Variants in CNGB3 observed in about 807,000 individuals in gnomAD.
CNGB3 encodes the protein cyclic nucleotide-gated channel beta-3.
In CNGB3, 86 loss-of-function variants were observed where a neutral mutation model predicts 92.8. The observed-to-expected ratio is 0.93, with a 90% CI of 0.78 to 1.11. The LOEUF (loss-of-function observed/expected upper bound fraction) is 1.11, where lower values mean the gene tolerates loss of function less well. Ranked by LOEUF, CNGB3 falls within the 50% of genes least tolerant of loss-of-function variation. The pLI is 0.00. For synonymous variants in CNGB3, 333 were observed against 332.7 expected (o/e 1.00, Z -0.01); for missense variants, 1,026 against 956.8 (o/e 1.07, Z -0.95).
At chr8:86,611,515 A>G in intron 14 of CNGB3, 73 bp downstream of exon 14, 1 of 1,241,300 alleles carries the variant, frequency 8.1e-7, no homozygotes, top group Non-Finnish European at 1.2e-6. Context: ...TGTTTAAACA[A>G]TGTTCTTGAC....
At chr8:86,660,241 A>T (rs557938001) in intron 6 of CNGB3, 2 of 306,618 alleles carry the variant, frequency 6.5e-6, no homozygotes, top group African/African-American at 4.4e-5. Flanking sequence ...TATTCTCTCA[A>T]TGTTTTCTTG....
chr8:86,616,469 G>A (rs72692229), intron 13 of CNGB3, among the ~76,000 whole-genome samples: 15,494 of 151,614 alleles, frequency 0.1, 881 homozygotes, highest in African/African-American at 0.15. Context: ...TTTTCCTCCA[G>A]AAAATGATTA....
Position 86,604,184 on chromosome 8 carries a change from T to C in CNGB3, c.1690A>G (p.Ile564Val), listed in dbSNP as rs1240406664. 1 of 1,612,916 alleles carries C rather than the reference T, an allele frequency of 6.2e-7. No individual in the cohort carries two copies. Residue 564 changes from isoleucine to valine, a missense_variant, in exon 15 of 18, where the codon ATC (isoleucine) becomes GTC (valine). Transcript: ENST00000320005. ...AGAACTTGGACTTCTCCATGCTTGATGATATACATTTCCTTGCCAATTTCT... is the reference window on the plus strand; with the variant it reads ...AGAACTTGGACTTCTCCATGCTTGACGATATACATTTCCTTGCCAATTTCT... ...KGEIGKEMYI[I>V]KHGEVQVLGG...
intron 15 of CNGB3, among the ~76,000 whole-genome samples, chr8:86,603,594 T>C (rs1299762712): frequency 6.6e-6 from 1 of 152,200 alleles, no homozygotes; most frequent in Non-Finnish European, 1.5e-5. Flanking sequence ...TAAGATATGT[T>C]CTATTATTAT....
intron 3 of CNGB3, among the ~76,000 whole-genome samples, chr8:86,703,655 T>G (rs1824597056): frequency 6.6e-6 from 1 of 152,156 alleles, no homozygotes; most frequent in African/African-American, 2.4e-5. Flanking sequence ...TTTCTTAACT[T>G]AATCCATGCT....
In CNGB3 at chr8:86,600,776, A is replaced by ATTTTTTTTTTT. The variant is rs533111246; in HGVS notation, c.1781+3306_1781+3316dup. Among the ~76,000 whole-genome samples the ATTTTTTTTTTT allele has an allele frequency of 7.5e-4, 29 of 38,422 alleles. 4 individuals carry two copies. Among genetic ancestry groups the ATTTTTTTTTTT allele is most frequent in the African/African-American group, 2.0e-3 (21 of 10,768 alleles). 25.2% of individuals were successfully genotyped at this position (38,422 alleles called of 152,430 possible). Reference sequence around the variant, plus strand: ...AGGTGCCCACCACCACGCTCGGCTAATTTTTTTTTTTTTTTTTTTTTTTTT... The same window carrying ATTTTTTTTTTT: ...AGGTGCCCACCACCACGCTCGGCTAATTTTTTTTTTTTTTTTTTTTTTTTTTTTTTTTTTTT... On this transcript the variant is annotated intron_variant, in intron 15 of 17. Transcript: ENST00000320005.
At position 86,641,448 on chromosome 8, in the gene CNGB3, G is replaced by A. The variant is rs369285723; in HGVS notation, c.1178+2303C>T. 4.3e-4 allele frequency among the ~76,000 whole-genome samples: 65 copies of A among 151,952 alleles called. 1 individual carries two copies. Among genetic ancestry groups the A allele is most frequent in the African/African-American group, 1.6e-3 (65 of 41,478 alleles). On this transcript the variant is annotated intron_variant, in intron 10 of 17. Transcript: ENST00000320005. ...AAATTCTTTCTTGCACAAGGTCCAA[G>A]AACCCTCTCTTGGGGTCTGGATCAG... is the stretch of plus-strand genomic sequence containing the variant.
intron 3 of CNGB3, among the ~76,000 whole-genome samples, chr8:86,679,925 A>T (rs1824047978): frequency 6.6e-6 from 1 of 152,230 alleles, no homozygotes; most frequent in South Asian, 2.1e-4. Flanking sequence ...GCAAGAAGGC[A>T]GCCATCTACT....
chr8:86,640,934 G>A (rs1823171274), intron 10 of CNGB3, among the ~76,000 whole-genome samples: 1 of 151,932 alleles, frequency 6.6e-6, no homozygotes, highest in Non-Finnish European at 1.5e-5. Flanking sequence ...GCGACCTACT[G>A]GGCTGCCTTC....
At chr8:86,721,288 C>T (rs1824967645) in intron 3 of CNGB3, among the ~76,000 whole-genome samples, 1 of 152,012 alleles carries the variant, frequency 6.6e-6, no homozygotes, top group Admixed American at 6.6e-5. Flanking sequence ...ATTGGAGACT[C>T]TTATTCTAAG....
At chr8:86,628,420 TTGG>T (rs1408901717) in intron 12 of CNGB3, among the ~76,000 whole-genome samples, 1 of 152,088 alleles carries the variant, frequency 6.6e-6, no homozygotes, top group Non-Finnish European at 1.5e-5. Flanking sequence ...GGAGTGAGGG[TTGG>T]CATTGTTAAC....
At chr8:86,630,887 G>A (rs532947920) in intron 11 of CNGB3, among the ~76,000 whole-genome samples, 4 of 152,224 alleles carry the variant, frequency 2.6e-5, no homozygotes, top group Admixed American at 2.6e-4. Flanking sequence ...TAAAAAAAGA[G>A]TGATGATTAG....
chr8:86,726,701 C>A, intron 2 of CNGB3, 44 bp from the exon 3 acceptor site: 1 of 1,609,508 alleles, frequency 6.2e-7, no homozygotes, highest in South Asian at 1.1e-5. Flanking sequence ...GTACAACACT[C>A]TTGACCCAGC....
chr8:86,732,922 T>TG (rs1491535011), intron 2 of CNGB3, among the ~76,000 whole-genome samples: 1 of 152,206 alleles, frequency 6.6e-6, no homozygotes, highest in Admixed American at 6.5e-5. Flanking sequence ...AGGGGATGCA[T>TG]GTGTGTGTTT....
Position 86,631,438 on chromosome 8 carries a change from A to T in CNGB3, c.1320+1314T>A, listed in dbSNP as rs1399396946. 3.3e-5 allele frequency among the ~76,000 whole-genome samples: 5 copies of T among 152,198 alleles called. No individual in the cohort carries two copies. The East Asian group carries it at 7.7e-4, about 23-fold the overall frequency. On this transcript the variant is annotated intron_variant, in intron 11 of 17. Transcript: ENST00000320005. ...GTGTTATTATATATGGTTCTTCCAT[A>T]CGACCCTATGAACTACATGTATGAA... is the stretch of plus-strand genomic sequence containing the variant.
intron 3 of CNGB3, among the ~76,000 whole-genome samples, chr8:86,691,183 T>C (rs1056231998): frequency 1.3e-5 from 2 of 152,200 alleles, no homozygotes; most frequent in Non-Finnish European, 2.9e-5. Flanking sequence ...TTGGTTGGTG[T>C]TGGTGTATAG....
chr8:86,741,999 G>C (rs1825351705), intron 1 of CNGB3, among the ~76,000 whole-genome samples: 2 of 152,146 alleles, frequency 1.3e-5, no homozygotes, highest in African/African-American at 2.4e-5. Context: ...TCCAATCCAG[G>C]CTCTGCCATT....
At chr8:86,592,971 C>T (rs1822079626) in intron 15 of CNGB3, among the ~76,000 whole-genome samples, 1 of 152,154 alleles carries the variant, frequency 6.6e-6, no homozygotes, top group South Asian at 2.1e-4. Flanking sequence ...AGGCAAATAT[C>T]AGAGGATGTT....
Position 86,602,682 on chromosome 8 carries a change from T to C in CNGB3, c.1781+1411A>G, listed in dbSNP as rs116799114. ...CTTCTATTCATCATATGAGCCAGTA[T>C]CTCAGTTCCAGACACCATCATCTTT... On this transcript the variant is annotated intron_variant, in intron 15 of 17. Transcript: ENST00000320005. Among the ~76,000 whole-genome samples the C allele has an allele frequency of 2.1e-3, 322 of 152,324 alleles. 1 individual carries two copies. The highest frequency in any genetic ancestry group is 7.2e-3 in the African/African-American group (301 of 41,562).
Sources: allele counts gnomAD v4.1 joint callset (sites outside exome capture counted in the v4.1 genomes callset), GRCh38; gene constraint gnomAD v4.1.1; transcripts MANE v1.5; gene names NCBI Gene and HGNC (gene_info 2026-07-23, HGNC 2026-07-21).